The following TAFA1 variants were observed in gnomAD, a reference collection of about 807,000 sequenced individuals.
TAFA1 encodes the protein TAFA chemokine like family member 1.
A neutral mutation model predicts 18.5 loss-of-function variants in TAFA1; 4 were observed. That is an observed-to-expected ratio of 0.22 (90% CI 0.11 to 0.49). The LOEUF is 0.49. Ranked by LOEUF, TAFA1 falls within the 20% of genes least tolerant of loss-of-function variation. TAFA1 has a pLI of 0.98. For missense variants in TAFA1, 147 were observed against 169.0 expected (o/e 0.87, Z 0.72); for synonymous variants, 56 against 55.2 (o/e 1.01, Z -0.06).
At chr3:68,514,490 C>G (rs1194477984) in intron 3 of TAFA1, among the ~76,000 whole-genome samples, 2 of 151,970 alleles carry the variant, frequency 1.3e-5, no homozygotes, top group Non-Finnish European at 2.9e-5. Flanking sequence ...GGTTTAAATT[C>G]TTTCAGGAGC....
At chr3:68,159,252 C>G (rs143244398) in intron 2 of TAFA1, among the ~76,000 whole-genome samples, 1 of 152,132 alleles carries the variant, frequency 6.6e-6, no homozygotes, top group Non-Finnish European at 1.5e-5. Flanking sequence ...ATCCCCTCAT[C>G]GCCTGATTAG....
intron 2 of TAFA1, among the ~76,000 whole-genome samples, chr3:68,270,676 C>A (rs1359075662): frequency 6.6e-6 from 1 of 152,106 alleles, no homozygotes; most frequent in Non-Finnish European, 1.5e-5. Flanking sequence ...GAGCTACCCT[C>A]ATTAATTAGA....
At chr3:68,431,555 G>A (rs2071172503) in intron 3 of TAFA1, among the ~76,000 whole-genome samples, 1 of 152,022 alleles carries the variant, frequency 6.6e-6, no homozygotes, top group Non-Finnish European at 1.5e-5. Flanking sequence ...GGGTCACATA[G>A]CTACCAGGTT....
intron 3 of TAFA1, among the ~76,000 whole-genome samples, chr3:68,503,314 C>A (rs2072691941): frequency 6.6e-6 from 1 of 152,038 alleles, no homozygotes; most frequent in African/African-American, 2.4e-5. Context: ...CTGCAAAACC[C>A]AAAAAACCTG....
chr3:68,344,226 G>A (rs1001704753), intron 2 of TAFA1, among the ~76,000 whole-genome samples: 1 of 152,104 alleles, frequency 6.6e-6, no homozygotes, highest in Non-Finnish European at 1.5e-5. Flanking sequence ...TCAAACAGAT[G>A]TTAAAACATC....
intron 3 of TAFA1, among the ~76,000 whole-genome samples, chr3:68,445,109 T>C (rs2071453394): frequency 6.6e-6 from 1 of 152,164 alleles, no homozygotes; most frequent in Non-Finnish European, 1.5e-5. Flanking sequence ...AACTTAGACA[T>C]GCTGATATTT....
intron 2 of TAFA1, among the ~76,000 whole-genome samples, chr3:68,148,542 G>A (rs2065769516): frequency 6.6e-6 from 1 of 152,228 alleles, no homozygotes; most frequent in Admixed American, 6.5e-5. Flanking sequence ...ACAGGTGTTT[G>A]AGAAAGTTCG....
chr3:68,474,585 A>G (rs925718963), intron 3 of TAFA1, among the ~76,000 whole-genome samples: 5 of 152,240 alleles, frequency 3.3e-5, no homozygotes, highest in African/African-American at 1.2e-4. Flanking sequence ...AAATAGTTCA[A>G]TGCAGTGGTT....
At chr3:68,188,865 T>G (rs2066304358) in intron 2 of TAFA1, among the ~76,000 whole-genome samples, 1 of 151,830 alleles carries the variant, frequency 6.6e-6, no homozygotes, top group Admixed American at 6.6e-5. Context: ...TTTTTGTTCG[T>G]TTGTTTGTTT....
chr3:68,499,316 C>T (rs182419620), intron 3 of TAFA1, among the ~76,000 whole-genome samples: 19 of 151,686 alleles, frequency 1.3e-4, no homozygotes, highest in African/African-American at 4.3e-4. Flanking sequence ...ATTCTTAAGC[C>T]TGCCATTGCC....
At chr3:68,145,407 C>A in intron 2 of TAFA1, 1 of 848,948 alleles carries the variant, frequency 1.2e-6, no homozygotes, top group African/African-American at 1.7e-5. Flanking sequence ...GATTTTGCAG[C>A]CTTTGTTGGA....
intron 2 of TAFA1, among the ~76,000 whole-genome samples, chr3:68,238,861 A>G (rs1212319772): frequency 6.6e-6 from 1 of 152,178 alleles, no homozygotes; most frequent in Non-Finnish European, 1.5e-5. Context: ...TTAAACCCAT[A>G]GTTTAAGGTT....
At chr3:68,446,846 A>G (rs1049499448) in intron 3 of TAFA1, among the ~76,000 whole-genome samples, 1 of 152,188 alleles carries the variant, frequency 6.6e-6, no homozygotes, top group African/African-American at 2.4e-5. Context: ...GAATACAATC[A>G]CTACTTAATG....
At chr3:68,478,193 ACT>A (rs979990045) in intron 3 of TAFA1, among the ~76,000 whole-genome samples, 1 of 152,074 alleles carries the variant, frequency 6.6e-6, no homozygotes, top group Non-Finnish European at 1.5e-5. Context: ...CAATTTTGCC[ACT>A]CTCTTTGTTT....
intron 2 of TAFA1, among the ~76,000 whole-genome samples, chr3:68,175,819 G>C (rs1274897559): frequency 2.0e-5 from 3 of 152,118 alleles, no homozygotes; most frequent in African/African-American, 7.2e-5. Flanking sequence ...AGATTTGGGA[G>C]GGGCCAGGGG....
chr3:68,391,860 C>A (rs1270722788), intron 2 of TAFA1, among the ~76,000 whole-genome samples: 1 of 152,094 alleles, frequency 6.6e-6, no homozygotes, highest in African/African-American at 2.4e-5. Flanking sequence ...CCTGAGGAAG[C>A]ACTAAACATG....
At chr3:68,366,152 T>C (rs1000177648) in intron 2 of TAFA1, among the ~76,000 whole-genome samples, 2 of 151,002 alleles carry the variant, frequency 1.3e-5, no homozygotes, top group African/African-American at 4.9e-5. Context: ...GAAAACCATA[T>C]TGGGGAAACC....
chr3:68,288,107 G>C (rs2068046954), intron 2 of TAFA1, among the ~76,000 whole-genome samples: 1 of 151,930 alleles, frequency 6.6e-6, no homozygotes. Flanking sequence ...TCTGGTCATG[G>C]GTGATCTCCC....
intron 2 of TAFA1, among the ~76,000 whole-genome samples, chr3:68,025,871 G>T (rs1487958336): frequency 6.6e-6 from 1 of 152,074 alleles, no homozygotes; most frequent in Non-Finnish European, 1.5e-5. Context: ...TATTTTTGCA[G>T]TAGCATTTGC....
Sources: allele counts gnomAD v4.1 joint callset (sites outside exome capture counted in the v4.1 genomes callset), GRCh38; gene constraint gnomAD v4.1.1; transcripts MANE v1.5; gene names NCBI Gene and HGNC (gene_info 2026-07-23, HGNC 2026-07-21).